PARP2: variants seen among roughly 807,000 people sequenced by gnomAD.
PARP2 encodes the protein poly(ADP-ribose) polymerase 2.
PARP2 carries 57 observed loss-of-function variants against 77.8 expected under a neutral mutation model. That is an observed-to-expected ratio of 0.73 (90% CI 0.59 to 0.91). PARP2 has a LOEUF of 0.91. Among genes scored for constraint, PARP2 ranks in the 40% least tolerant of loss-of-function variants. The pLI is 0.00. For synonymous variants in PARP2, 226 were observed against 242.6 expected (o/e 0.93, Z 0.64); for missense variants, 651 against 689.0 (o/e 0.94, Z 0.62).
intron 9 of PARP2, chr14:20,355,154 C>T: frequency 2.1e-6 from 1 of 472,308 alleles, no homozygotes; most frequent in Non-Finnish European, 3.6e-6. Context: ...CAGCCATATT[C>T]TCTGACAAAG....
In PARP2 at chr14:20,356,016, A is replaced by G. The variant is rs1317998398; in HGVS notation, c.1086A>G (p.Glu362=). ...LHCALRPLDH[E]SYEFKVISQY... is the part of the protein sequence containing the mutation. Reference sequence around the variant, plus strand: ...GTGCCTTGCGCCCCCTTGACCATGAAAGTTATGAGTTCAAAGTAAGAAAAA... The same window carrying G: ...GTGCCTTGCGCCCCCTTGACCATGAGAGTTATGAGTTCAAAGTAAGAAAAA... Residue 362 remains glutamate, a synonymous_variant, in exon 11 of 16, where the codon GAA becomes GAG. Transcript: ENST00000429687. 3 of 1,613,728 alleles carry G rather than the reference A, an allele frequency of 1.9e-6. No homozygotes were observed. The highest frequency in any genetic ancestry group is 2.5e-6 in the Non-Finnish European group (3 of 1,179,900).
chr14:20,345,932 C>T (rs1713432), intron 3 of PARP2, among the ~76,000 whole-genome samples: 30,415 of 151,898 alleles, frequency 0.2, 6,548 homozygotes, highest in African/African-American at 0.54. Context: ...GGAGGTGTCA[C>T]ACGCTTTTAA....
In PARP2 at chr14:20,356,625, G is replaced by A. The variant is rs763721911; in HGVS notation, c.1265G>A (p.Trp422Ter). Residue 422 changes from tryptophan (W) to a stop codon, truncating the protein, a stop_gained, in exon 13 of 16, where the codon TGG becomes TAG. Transcript: ENST00000429687. LOFTEE classifies it high-confidence loss of function. ...TGGCATGGTTCCAGGATGAGTAACT[G>A]GGTGGGAATCTTGAGCCATGGGCTT... Reference protein sequence around the residue: ...LLWHGSRMSNWVGILSHGLRI... With the variant: ...LLWHGSRMSN The A allele has an allele frequency of 4.3e-6, 7 of 1,613,974 alleles. No homozygotes were observed. In the African/African-American group the frequency reaches 8.0e-5, roughly 18 times the overall value.
chr14:20,357,649 C>T lies in PARP2; in HGVS notation c.1565C>T (p.Thr522Ile). The change falls in exon 16 of 16, where the codon ACA becomes ATA. Residue 522 changes from threonine to isoleucine, a missense_variant. Transcript: ENST00000429687. ...SAHFVTLNGSTVPLGPASDTG... is the reference protein window; with the variant it reads ...SAHFVTLNGSIVPLGPASDTG... ...TTTCCATTTGGCAGGAATGGGAGTA[C>T]AGTGCCATTAGGACCAGCAAGTGAC... 6.2e-7 allele frequency: 1 copy of T among 1,612,458 alleles called. No homozygotes were observed. The highest frequency in any genetic ancestry group is 8.5e-7 in the Non-Finnish European group (1 of 1,179,522).
chr14:20,352,027 C>T (rs1883972667), intron 6 of PARP2, among the ~76,000 whole-genome samples: 1 of 152,176 alleles, frequency 6.6e-6, no homozygotes, highest in Non-Finnish European at 1.5e-5. Context: ...GAAGGACAAG[C>T]ATTGTTTTTC....
In PARP2 at chr14:20,354,117, T is replaced by A; in HGVS notation, c.633T>A (p.Leu211=). The A allele has an allele frequency of 6.2e-7, 1 of 1,613,356 alleles. No individual in the cohort carries two copies. Among genetic ancestry groups the A allele is most frequent in the Non-Finnish European group, 8.5e-7 (1 of 1,179,346 alleles). Residue 211 remains leucine, a synonymous_variant, in exon 8 of 16, where the codon CTT becomes CTA. Transcript: ENST00000429687. The part of the protein sequence containing the change: ...DEEETKKEES[L]KSPLKPESQL... ...AGGAAACAAAGAAAGAGGAATCTCT[T>A]AAATCTCCCTTGAAGCCAGAGTCAC...
chr14:20,349,630 C>T (rs1189939462), intron 4 of PARP2, among the ~76,000 whole-genome samples: 1 of 150,230 alleles, frequency 6.7e-6, no homozygotes, highest in Middle Eastern at 3.3e-3. Context: ...GCGGAGGTTG[C>T]ACCACTGCAC....
intron 7 of PARP2, among the ~76,000 whole-genome samples, chr14:20,353,233 TTC>T (rs1247856628): frequency 6.8e-6 from 1 of 146,562 alleles, no homozygotes; most frequent in Non-Finnish European, 1.5e-5. Flanking sequence ...TATTGTTTTT[TTC>T]GTTTTTTTGT....
chr14:20,344,822 A>G (rs1014809614), intron 1 of PARP2, 110 bp from the exon 2 acceptor site: 1 of 824,688 alleles, frequency 1.2e-6, no homozygotes, highest in Non-Finnish European at 2.0e-6. Context: ...CAAAACAAAA[A>G]AAGAGAGAAA....
intron 8 of PARP2, 82 bp from the exon 9 acceptor site, chr14:20,354,727 A>C (rs1884079531): frequency 1.5e-6 from 2 of 1,346,372 alleles, no homozygotes; most frequent in African/African-American, 1.5e-5. Context: ...GAAAGATGAA[A>C]GTCTTTTTTA....
chr14:20,354,411 T>G (rs754877828), intron 8 of PARP2, among the ~76,000 whole-genome samples, 164 bp downstream of exon 8: 13 of 152,270 alleles, frequency 8.5e-5, no homozygotes, highest in African/African-American at 2.9e-4. Flanking sequence ...ATTTTGAAAG[T>G]TGAGGCTGGG....
chr14:20,351,913 T>C (rs1359244510), intron 6 of PARP2, among the ~76,000 whole-genome samples: 2 of 152,174 alleles, frequency 1.3e-5, no homozygotes, highest in African/African-American at 2.4e-5. Context: ...CTTTATGATA[T>C]AGATGAAGAA....
intron 5 of PARP2, 123 bp downstream of exon 5, chr14:20,350,745 C>A: frequency 1.5e-6 from 1 of 659,364 alleles, no homozygotes; most frequent in South Asian, 1.9e-5. Context: ...CTGGGAGAGC[C>A]TTAGGAATCA....
intron 3 of PARP2, among the ~76,000 whole-genome samples, chr14:20,345,872 GGAGA>G (rs1011084329): frequency 7.9e-5 from 12 of 151,684 alleles, no homozygotes; most frequent in Non-Finnish European, 1.0e-4. Context: ...AGAGAGAAAG[GGAGA>G]GAGAGAGATT....
intron 6 of PARP2, 67 bp downstream of exon 6, chr14:20,351,189 ATTT>A: frequency 7.7e-7 from 1 of 1,293,824 alleles, no homozygotes; most frequent in African/African-American, 1.5e-5. Flanking sequence ...TCTCTAAAAA[ATTT>A]TTTTTTAGAC....
In PARP2 at chr14:20,354,800, G is replaced by A; in HGVS notation, c.764-9G>A. 1 of 1,609,224 alleles carries A rather than the reference G, an allele frequency of 6.2e-7. No homozygotes were observed. Reference sequence around the variant, plus strand: ...TAGTTTGGAGTCTGATCTCTGGGTGGGCCTGCAGGGAAGCTGACAGTGGCA... The same window carrying A: ...TAGTTTGGAGTCTGATCTCTGGGTGAGCCTGCAGGGAAGCTGACAGTGGCA... On this transcript the variant is annotated splice_polypyrimidine_tract_variant and intron_variant, in intron 8 of 15. Coordinates refer to ENST00000429687, the MANE Select transcript of PARP2 (RefSeq NM_001042618.2).
chr14:20,348,966 C>T (rs1312548393), intron 4 of PARP2, among the ~76,000 whole-genome samples: 1 of 151,620 alleles, frequency 6.6e-6, no homozygotes, highest in African/African-American at 2.4e-5. Context: ...TTGTGGTGAG[C>T]CGAGATCGTA....
chr14:20,354,875 G>A lies in PARP2; in HGVS notation c.830G>A (p.Arg277Gln), dbSNP rs769072188. 28 of 1,613,746 alleles carry A rather than the reference G, an allele frequency of 1.7e-5. 1 individual carries two copies. The highest frequency in any genetic ancestry group is 6.7e-5 in the Admixed American group (4 of 59,956). ...CTTAAGAAGATTGAGGATTGTATTCGGGCTGGCCAGCATGGACGAGCTCTC... is the reference window on the plus strand; with the variant it reads ...CTTAAGAAGATTGAGGATTGTATTCAGGCTGGCCAGCATGGACGAGCTCTC... The part of the protein sequence containing the change: ...QSLKKIEDCI[R>Q]AGQHGRALME... Residue 277 changes from arginine to glutamine, a missense_variant, in exon 9 of 16, where the codon CGG (arginine) becomes CAG (glutamine). Transcript: ENST00000429687.
rs1216486000 is a variant in PARP2, at chr14:20,356,348, C to T, written c.1143C>T (p.His381=). 41 of 1,613,968 alleles carry T rather than the reference C, an allele frequency of 2.5e-5. No homozygotes were observed. Among genetic ancestry groups the T allele is most frequent in the Non-Finnish European group, 3.3e-5 (39 of 1,179,918 alleles). ...TACAATCTACCCATGCTCCCACACACAGCGACTATACCATGACCTTGCTGG... is the reference window on the plus strand; with the variant it reads ...TACAATCTACCCATGCTCCCACACATAGCGACTATACCATGACCTTGCTGG... ...QYLQSTHAPT[H]SDYTMTLLDL... is the part of the protein sequence containing the mutation. Residue 381 remains histidine, a synonymous_variant, in exon 12 of 16, where the codon CAC becomes CAT. Transcript: ENST00000429687.
Sources: gnomAD v4.1 joint callset for allele counts (sites outside exome capture counted in the v4.1 genomes callset) on GRCh38, gnomAD v4.1.1 for gene constraint, MANE v1.5 for transcripts, NCBI Gene and HGNC (gene_info 2026-07-23, HGNC 2026-07-21) for gene names.